Variants in PDE7B observed in about 807,000 individuals in gnomAD.
The protein encoded by PDE7B is phosphodiesterase 7B, also known as 3',5'-cyclic-AMP phosphodiesterase 7B.
PDE7B carries 29 observed loss-of-function variants against 56.2 expected under a neutral mutation model. The observed-to-expected ratio is 0.52, with a 90% confidence interval of 0.38 to 0.70. The LOEUF is 0.70. Ranked by LOEUF, PDE7B falls within the 30% of genes least tolerant of loss-of-function variation. The pLI, the probability that PDE7B is intolerant of heterozygous loss-of-function variation, is 0.00. For missense variants in PDE7B, 490 were observed against 565.0 expected, an observed-to-expected ratio of 0.87 and a Z score of 1.35; for synonymous variants, 197 against 196.9, an observed-to-expected ratio of 1.00 and a Z score of 0.00.
At chr6:135,888,361 G>A (rs1775746788) in intron 1 of PDE7B, among the ~76,000 whole-genome samples, 1 of 152,106 alleles carries the variant, frequency 6.6e-6, no homozygotes, top group East Asian at 1.9e-4. Flanking sequence ...CTGCTTCCAA[G>A]GACTTAGAGC....
intron 2 of PDE7B, among the ~76,000 whole-genome samples, chr6:135,989,335 C>T (rs1412749152): frequency 6.6e-6 from 1 of 152,136 alleles, no homozygotes; most frequent in Non-Finnish European, 1.5e-5. Context: ...TTATCAGGGC[C>T]GAGCGCGATG....
At chr6:136,189,197 C>T (rs1779184346) in intron 12 of PDE7B, among the ~76,000 whole-genome samples, 1 of 152,172 alleles carries the variant, frequency 6.6e-6, no homozygotes, top group Admixed American at 6.5e-5. Flanking sequence ...TATATCTACC[C>T]AAGTGGAACT....
At chr6:136,041,479 C>T (rs1254693927) in intron 2 of PDE7B, among the ~76,000 whole-genome samples, 1 of 152,170 alleles carries the variant, frequency 6.6e-6, no homozygotes, top group Admixed American at 6.5e-5. Flanking sequence ...CGTCTTCCAC[C>T]ATCTTCAGAC....
intron 2 of PDE7B, among the ~76,000 whole-genome samples, chr6:136,008,453 G>A (rs1775827751): frequency 6.6e-6 from 1 of 152,334 alleles, no homozygotes; most frequent in Admixed American, 6.5e-5. Flanking sequence ...CCCACCAACA[G>A]TGTAAAAGTG....
intron 8 of PDE7B, 136 bp from the exon 9 acceptor site, chr6:136,173,661 T>C (rs1583924495): frequency 3.2e-6 from 2 of 630,114 alleles, no homozygotes; most frequent in South Asian, 1.9e-5. Flanking sequence ...TTTTGGGTTT[T>C]TTTTTCCTGG....
chr6:135,899,963 C>G (rs1775970630), intron 1 of PDE7B, among the ~76,000 whole-genome samples: 1 of 152,062 alleles, frequency 6.6e-6, no homozygotes, highest in Non-Finnish European at 1.5e-5. Context: ...GTGTTGTATA[C>G]AATTCTTTGT....
intron 1 of PDE7B, among the ~76,000 whole-genome samples, chr6:135,903,885 C>T (rs1776049614): frequency 1.3e-5 from 2 of 152,144 alleles, no homozygotes; most frequent in South Asian, 4.1e-4. Context: ...ATTCTGTAAA[C>T]ATTAGAAGGT....
At chr6:136,095,094 A>C (rs1472212717) in intron 2 of PDE7B, among the ~76,000 whole-genome samples, 1 of 152,230 alleles carries the variant, frequency 6.6e-6, no homozygotes. Context: ...GCTATTCAGT[A>C]CACATTAACA....
intron 3 of PDE7B, among the ~76,000 whole-genome samples, chr6:136,124,784 C>T (rs763123936): frequency 2.0e-5 from 3 of 152,068 alleles, no homozygotes; most frequent in Non-Finnish European, 2.9e-5. Context: ...TGACTTGTTG[C>T]TATGGATGGC....
At chr6:136,169,989 T>A (rs1315545540) in intron 8 of PDE7B, among the ~76,000 whole-genome samples, 1 of 152,188 alleles carries the variant, frequency 6.6e-6, no homozygotes, top group Non-Finnish European at 1.5e-5. Flanking sequence ...GTCAGCCTCA[T>A]GAAACTTACC....
rs542232291 is a variant in PDE7B, at chr6:136,056,512, C to CTTTTTTTTTT, written c.83-52191_83-52182dup. Among the ~76,000 whole-genome samples, 8 of 53,904 alleles carry CTTTTTTTTTT rather than the reference C, an allele frequency of 1.5e-4. 1 individual carries two copies. The highest frequency in any genetic ancestry group is 4.8e-4 in the African/African-American group (5 of 10,456). 35.4% of individuals were successfully genotyped at this position (53,904 alleles called of 152,430 possible). On this transcript the variant is annotated intron_variant, in intron 2 of 12. Transcript: ENST00000308191. ...TCTGAGCTCCTTTGCAGATAGAATCCTTTTTTTTTTTTTTTTTTTTTTTTT... is the reference window on the plus strand; with the variant it reads ...TCTGAGCTCCTTTGCAGATAGAATCCTTTTTTTTTTTTTTTTTTTTTTTTTTTTTTTTTTT...
At chr6:136,105,916 T>G (rs914285110) in intron 2 of PDE7B, among the ~76,000 whole-genome samples, 1 of 152,222 alleles carries the variant, frequency 6.6e-6, no homozygotes, top group African/African-American at 2.4e-5. Flanking sequence ...ATTAAAAACT[T>G]CATCAATATT....
chr6:136,111,671 G>A (rs1485085033), intron 3 of PDE7B, among the ~76,000 whole-genome samples: 3 of 152,168 alleles, frequency 2.0e-5, no homozygotes, highest in South Asian at 4.1e-4. Context: ...CGTCCTTGTT[G>A]TGGTTTGCCT....
At chr6:136,035,245 C>G (rs1776308014) in intron 2 of PDE7B, 1 of 152,050 alleles carries the variant, frequency 6.6e-6, no homozygotes, top group Non-Finnish European at 1.5e-5. Flanking sequence ...ATGATGTCCA[C>G]TGAGTAGTGA....
chr6:135,901,149 A>C (rs1775992953), intron 1 of PDE7B, among the ~76,000 whole-genome samples: 1 of 152,216 alleles, frequency 6.6e-6, no homozygotes, highest in Non-Finnish European at 1.5e-5. Context: ...CTACCTATAA[A>C]GAATTCTTCT....
intron 1 of PDE7B, among the ~76,000 whole-genome samples, chr6:135,887,209 T>C (rs979478799): frequency 6.6e-6 from 1 of 152,152 alleles, no homozygotes; most frequent in African/African-American, 2.4e-5. Flanking sequence ...TTGATGGGAT[T>C]ATTTGTTTTT....
intron 1 of PDE7B, among the ~76,000 whole-genome samples, chr6:135,871,112 T>C (rs1302909505): frequency 6.6e-6 from 1 of 152,204 alleles, no homozygotes; most frequent in East Asian, 1.9e-4. Context: ...GAAGCTGTGG[T>C]AGGAATCTGC....
chr6:135,935,204 A>ATTTTTATATATATATT (rs1562445499), intron 1 of PDE7B, among the ~76,000 whole-genome samples: 6 of 73,858 alleles, frequency 8.1e-5, no homozygotes, highest in Non-Finnish European at 1.5e-4. Flanking sequence ...ATATATATAT[A>ATTTTTATATATATATT]TATATATATA....
chr6:136,181,161 C>A, intron 10 of PDE7B, 66 bp from the exon 11 acceptor site: 2 of 1,127,794 alleles, frequency 1.8e-6, no homozygotes, highest in Non-Finnish European at 2.7e-6. Flanking sequence ...GCCTCTTTGG[C>A]TTGGGGTGCT....
Sources: allele counts gnomAD v4.1 joint callset (sites outside exome capture counted in the v4.1 genomes callset), GRCh38; gene constraint gnomAD v4.1.1; transcripts MANE v1.5; gene names NCBI Gene and HGNC (gene_info 2026-07-23, HGNC 2026-07-21).